The following CA10 variants were observed in gnomAD, a reference collection of about 807,000 sequenced individuals.
The protein encoded by CA10 is carbonic anhydrase 10 (inactive).
In CA10, 14 loss-of-function variants were observed where a neutral mutation model predicts 44.2. The ratio of observed to expected loss-of-function variants is 0.32; its 90% CI spans 0.21 to 0.50. CA10 has a LOEUF of 0.50. Among genes scored for constraint, CA10 ranks in the 20% least tolerant of loss-of-function variants. The pLI is 0.99. For missense variants in CA10, 350 were observed against 409.7 expected (o/e 0.85, Z 1.26); for synonymous variants, 159 against 141.6 (o/e 1.12, Z -0.87).
chr17:51,870,288 T>G (rs886316909), intron 3 of CA10, among the ~76,000 whole-genome samples: 1 of 152,248 alleles, frequency 6.6e-6, no homozygotes, highest in Non-Finnish European at 1.5e-5. Context: ...CATAGCTTTA[T>G]AGGGCATGCT....
At chr17:52,069,849 A>C (rs1198820788) in intron 2 of CA10, among the ~76,000 whole-genome samples, 1 of 152,220 alleles carries the variant, frequency 6.6e-6, no homozygotes. Flanking sequence ...TAGACACTTC[A>C]GTGAGGAACT....
chr17:51,749,797 A>G (rs1288543376), intron 3 of CA10, among the ~76,000 whole-genome samples: 3 of 152,236 alleles, frequency 2.0e-5, no homozygotes, highest in African/African-American at 7.2e-5. Flanking sequence ...CAACATTGAC[A>G]GAGGAGACCA....
chr17:51,654,588 GCT>G (rs1913717662), intron 4 of CA10, among the ~76,000 whole-genome samples: 3 of 148,788 alleles, frequency 2.0e-5, no homozygotes, highest in African/African-American at 5.0e-5. Context: ...TTGGAGTCTC[GCT>G]CTGTCACCCA....
chr17:51,821,360 C>T (rs1907789148), intron 3 of CA10, among the ~76,000 whole-genome samples: 1 of 151,862 alleles, frequency 6.6e-6, no homozygotes, highest in Admixed American at 6.6e-5. Flanking sequence ...CGACCATCCA[C>T]TAAACCTTGG....
At chr17:52,153,518 A>G (rs1441382607) in intron 1 of CA10, among the ~76,000 whole-genome samples, 2 of 152,164 alleles carry the variant, frequency 1.3e-5, no homozygotes, top group African/African-American at 4.8e-5. Flanking sequence ...CCTCAACTCC[A>G]TATTGGACTC....
chr17:51,743,877 A>T (rs1904562307), intron 4 of CA10, among the ~76,000 whole-genome samples: 1 of 152,222 alleles, frequency 6.6e-6, no homozygotes, highest in Non-Finnish European at 1.5e-5. Context: ...AGATTCGCGC[A>T]ATCTACCCAC....
At chr17:51,890,589 T>C (rs1027794566) in intron 3 of CA10, among the ~76,000 whole-genome samples, 11 of 152,186 alleles carry the variant, frequency 7.2e-5, no homozygotes, top group African/African-American at 2.7e-4. Flanking sequence ...ACACATCTCT[T>C]TGAGAAGTAG....
At chr17:51,984,654 C>T (rs1364735885) in intron 2 of CA10, among the ~76,000 whole-genome samples, 2 of 151,664 alleles carry the variant, frequency 1.3e-5, no homozygotes, top group African/African-American at 2.4e-5. Context: ...TCCAAATAAC[C>T]TCACTAAGAA....
chr17:52,019,408 T>C (rs1986067331), intron 2 of CA10, among the ~76,000 whole-genome samples: 1 of 152,122 alleles, frequency 6.6e-6, no homozygotes, highest in African/African-American at 2.4e-5. Flanking sequence ...ACCAAAAATG[T>C]TATCTTTGAC....
chr17:51,797,360 G>A (rs1293778360), intron 3 of CA10, among the ~76,000 whole-genome samples: 7 of 152,260 alleles, frequency 4.6e-5, no homozygotes, highest in Admixed American at 2.6e-4. Context: ...GCACGCACGC[G>A]TGCACGCACA....
chr17:52,144,756 T>A (rs1455808330), intron 1 of CA10, among the ~76,000 whole-genome samples: 1 of 152,240 alleles, frequency 6.6e-6, no homozygotes, highest in Non-Finnish European at 1.5e-5. Flanking sequence ...ATTGCCAAAT[T>A]CCTTCCTAAT....
At chr17:51,997,736 A>C (rs1985286898) in intron 2 of CA10, among the ~76,000 whole-genome samples, 1 of 152,076 alleles carries the variant, frequency 6.6e-6, no homozygotes, top group Non-Finnish European at 1.5e-5. Context: ...GATGTAACAC[A>C]ATGTTGAGAC....
chr17:51,682,867 A>G (rs1265884887), intron 4 of CA10, among the ~76,000 whole-genome samples: 6 of 152,174 alleles, frequency 3.9e-5, no homozygotes, highest in African/African-American at 1.4e-4. Context: ...TGCTTGATAC[A>G]TACATCATTC....
chr17:51,722,464 ATG>A (rs1397187490), intron 4 of CA10, among the ~76,000 whole-genome samples: 1 of 152,132 alleles, frequency 6.6e-6, no homozygotes, highest in Non-Finnish European at 1.5e-5. Context: ...GTTCTATTTC[ATG>A]TGTTTTCTAA....
At chr17:52,112,250 T>A (rs148934589) in intron 1 of CA10, among the ~76,000 whole-genome samples, 393 of 151,904 alleles carry the variant, frequency 2.6e-3, no homozygotes, top group African/African-American at 9.1e-3. Flanking sequence ...CTCACATGTA[T>A]TAATACATCC....
At chr17:51,897,242 G>T in intron 3 of CA10, among the ~76,000 whole-genome samples, 1 of 151,908 alleles carries the variant, frequency 6.6e-6, no homozygotes. Flanking sequence ...GAATTGATTT[G>T]ATTTTTGTAT....
intron 3 of CA10, among the ~76,000 whole-genome samples, chr17:51,856,540 C>T (rs1186206943): frequency 6.6e-6 from 1 of 152,062 alleles, no homozygotes; most frequent in African/African-American, 2.4e-5. Context: ...GCAGAAAATA[C>T]AGAGCAGTGA....
At chr17:51,823,930 T>A (rs1907913777) in intron 3 of CA10, among the ~76,000 whole-genome samples, 1 of 152,248 alleles carries the variant, frequency 6.6e-6, no homozygotes, top group African/African-American at 2.4e-5. Flanking sequence ...TCCTTCTTTC[T>A]TACCCCTCTC....
chr17:51,906,674 G>A (rs1368678021), intron 3 of CA10, among the ~76,000 whole-genome samples: 1 of 152,040 alleles, frequency 6.6e-6, no homozygotes, highest in Non-Finnish European at 1.5e-5. Context: ...CTATTTGCAT[G>A]TTTAAAAGGC....
Sources: allele counts gnomAD v4.1 joint callset (sites outside exome capture counted in the v4.1 genomes callset), GRCh38; gene constraint gnomAD v4.1.1; transcripts MANE v1.5; gene names NCBI Gene and HGNC (gene_info 2026-07-23, HGNC 2026-07-21).